Variants in XKR4 observed in about 807,000 individuals in gnomAD.
XKR4 encodes the protein XK related 4, also known as XK-related protein 4.
Under a neutral mutation model 53.9 loss-of-function variants are expected in XKR4, and 12 were observed. The ratio of observed to expected loss-of-function variants is 0.22; its 90% CI spans 0.14 to 0.36. The LOEUF is 0.36. Ranked by LOEUF, XKR4 falls within the 10% of genes least tolerant of loss-of-function variation. The probability of loss-of-function intolerance (pLI) is 1.00; values close to 1 mark genes in which losing one functional copy is unlikely to be tolerated. For missense variants in XKR4, 799 were observed against 859.5 expected (o/e 0.93, Z 0.88); for synonymous variants, 354 against 362.4 (o/e 0.98, Z 0.26).
chr8:55,450,272 G>A (rs909199532), intron 2 of XKR4: 3 of 696,762 alleles, frequency 4.3e-6, no homozygotes, highest in Non-Finnish European at 7.3e-6. Flanking sequence ...GGGGTTCCCC[G>A]AGCCAGTTCC....
rs1021213807 is a variant in XKR4 at position 55,532,985 on chromosome 8, T to C, written c.*8758T>C. 1.3e-5 allele frequency: 2 copies of C among 152,196 alleles called. No individual in the cohort carries two copies. The highest frequency in any genetic ancestry group is 4.8e-5 in the African/African-American group (2 of 41,446). 9.4% of individuals were successfully genotyped at this position (152,196 alleles called of 1,614,324 possible). On this transcript the variant is annotated 3_prime_UTR_variant, in exon 3 of 3. Transcript: ENST00000327381. The stretch of plus-strand genomic sequence containing the variant: ...AGATGGAGATGTGGTTAAGCTAATT[T>C]AATTTACCTATTCTAGTGGCATTCT...
intron 1 of XKR4, among the ~76,000 whole-genome samples, chr8:55,190,596 T>C (rs1046170674): frequency 6.6e-6 from 1 of 152,172 alleles, no homozygotes; most frequent in African/African-American, 2.4e-5. Context: ...GATTCTATGA[T>C]CACTTAACTT....
chr8:55,301,270 T>A (rs2129376823), intron 1 of XKR4, among the ~76,000 whole-genome samples: 1 of 151,718 alleles, frequency 6.6e-6, no homozygotes, highest in South Asian at 2.1e-4. Flanking sequence ...CTTGGGATAG[T>A]TTGCTGAGAA....
intron 1 of XKR4, among the ~76,000 whole-genome samples, chr8:55,306,325 G>A (rs1302727314): frequency 6.6e-6 from 1 of 152,038 alleles, no homozygotes; most frequent in Non-Finnish European, 1.5e-5. Context: ...CAGCAAAAAA[G>A]GTCAATGTAA....
At chr8:55,395,157 T>C (rs780894912) in intron 2 of XKR4, among the ~76,000 whole-genome samples, 6 of 152,028 alleles carry the variant, frequency 3.9e-5, no homozygotes, top group Non-Finnish European at 7.4e-5. Flanking sequence ...ACTGAGGAGC[T>C]TTATGAAGTG....
chr8:55,210,115 G>A (rs913856023), intron 1 of XKR4, among the ~76,000 whole-genome samples: 31 of 141,402 alleles, frequency 2.2e-4, no homozygotes, highest in Non-Finnish European at 3.0e-5. Flanking sequence ...AGACAGTTTC[G>A]CTTTTGTTGC....
chr8:55,180,679 C>T (rs1472251423), intron 1 of XKR4, among the ~76,000 whole-genome samples: 3 of 152,038 alleles, frequency 2.0e-5, no homozygotes, highest in Non-Finnish European at 2.9e-5. Flanking sequence ...TTACAGGCAC[C>T]CGCCACCACA....
Position 55,442,868 on chromosome 8 carries a change from A to G in XKR4, c.1007-80413A>G, listed in dbSNP as rs1195626273. ...CTAATAGAAATGTGGTTTTTTTTGC[A>G]GGGGGTGATGAAAATGTTCTGGAAT... On this transcript the variant is annotated intron_variant, in intron 2 of 2. Coordinates refer to ENST00000327381, the MANE Select transcript of XKR4 (RefSeq NM_052898.2). 2.0e-5 allele frequency among the ~76,000 whole-genome samples: 3 copies of G among 152,278 alleles called. No individual in the cohort carries two copies. The East Asian group carries it at 5.8e-4, about 29-fold the overall frequency.
chr8:55,232,165 T>C (rs180763131), intron 1 of XKR4, among the ~76,000 whole-genome samples: 23 of 152,338 alleles, frequency 1.5e-4, no homozygotes, highest in African/African-American at 4.6e-4. Flanking sequence ...CCCCTGGCTC[T>C]TGTGGCCAAG....
At chr8:55,296,069 G>T (rs192953464) in intron 1 of XKR4, among the ~76,000 whole-genome samples, 247 of 152,148 alleles carry the variant, frequency 1.6e-3, no homozygotes, top group Non-Finnish European at 2.8e-3. Context: ...GCTGGTATGG[G>T]GCTGGGCTGT....
rs189059558 is a variant in XKR4, at chr8:55,123,609, C to A, written c.806+20315C>A. 2.8e-4 allele frequency among the ~76,000 whole-genome samples: 43 copies of A among 152,306 alleles called. No individual in the cohort carries two copies. In the East Asian group the frequency reaches 8.1e-3, roughly 29 times the overall value. On this transcript the variant is annotated intron_variant, in intron 1 of 2. Transcript: ENST00000327381. ...GCTATCCACTGAGAAAATGGGAGTA[C>A]CTTCCATCCCAGACTCAGGACAGGC...
rs1458502868 is a variant in XKR4 at position 55,323,959 on chromosome 8, G to C, written c.807-33719G>C. Among the ~76,000 whole-genome samples the C allele has an allele frequency of 2.0e-5, 3 of 151,344 alleles. No individual in the cohort carries two copies. The East Asian group carries it at 5.8e-4, about 29-fold the overall frequency. Reference sequence around the variant, plus strand: ...CATTTAGTTCACTTTTTATTCCTCTGCTTTCATTCCTCTGCTAGGAATGTC... The same window carrying C: ...CATTTAGTTCACTTTTTATTCCTCTCCTTTCATTCCTCTGCTAGGAATGTC... On this transcript the variant is annotated intron_variant, in intron 1 of 2. Transcript: ENST00000327381.
chr8:55,497,551 C>G (rs566724906), intron 2 of XKR4, among the ~76,000 whole-genome samples: 1 of 152,222 alleles, frequency 6.6e-6, no homozygotes, highest in African/African-American at 2.4e-5. Flanking sequence ...CCAAGAAGAC[C>G]CCACTTCAGA....
intron 2 of XKR4, among the ~76,000 whole-genome samples, chr8:55,463,655 A>G: frequency 6.6e-6 from 1 of 152,142 alleles, no homozygotes; most frequent in East Asian, 1.9e-4. Flanking sequence ...TAGAGAAATA[A>G]AAAACTGTTC....
rs548065736 is a variant in XKR4 at position 55,425,877 on chromosome 8, A to G, written c.1006+68000A>G. ...GAGACATCAGAGCAATCAAGCTACA[A>G]ATTAAATGTAATTGAGTGACCCAGC... On this transcript the variant is annotated intron_variant, in intron 2 of 2. Transcript: ENST00000327381. Among the ~76,000 whole-genome samples the G allele has an allele frequency of 5.2e-4, 79 of 152,304 alleles. 1 individual carries two copies. The Middle Eastern group carries it at 0.01, about 20-fold the overall frequency.
At chr8:55,161,157 G>A (rs1254065356) in intron 1 of XKR4, among the ~76,000 whole-genome samples, 2 of 152,144 alleles carry the variant, frequency 1.3e-5, no homozygotes. Context: ...ATGTGGGCTG[G>A]GGGTTCCATC....
intron 2 of XKR4, among the ~76,000 whole-genome samples, chr8:55,443,647 T>A (rs1169610828): frequency 7.1e-6 from 1 of 141,488 alleles, no homozygotes; most frequent in African/African-American, 2.6e-5. Flanking sequence ...ATCGAAACCA[T>A]CCTGGCCAAC....
At chr8:55,214,823 G>C (rs1348093536) in intron 1 of XKR4, among the ~76,000 whole-genome samples, 7 of 152,080 alleles carry the variant, frequency 4.6e-5, no homozygotes, top group Non-Finnish European at 1.0e-4. Flanking sequence ...GCTTGTCTCT[G>C]GGACCAGTAA....
chr8:55,318,077 A>C (rs957458149), intron 1 of XKR4, among the ~76,000 whole-genome samples: 1 of 152,230 alleles, frequency 6.6e-6, no homozygotes, highest in African/African-American at 2.4e-5. Context: ...AGTTAGCTTA[A>C]TGCTAAGTTG....
Sources: gnomAD v4.1 joint callset for allele counts (sites outside exome capture counted in the v4.1 genomes callset) on GRCh38, gnomAD v4.1.1 for gene constraint, MANE v1.5 for transcripts, NCBI Gene and HGNC (gene_info 2026-07-23, HGNC 2026-07-21) for gene names.